SERPING1: variants seen among roughly 807,000 people sequenced by gnomAD.
SERPING1 encodes the protein plasma protease C1 inhibitor.
A neutral mutation model predicts 34.1 loss-of-function variants in SERPING1; 5 were observed. The observed-to-expected ratio is 0.15, with a 90% confidence interval of 0.08 to 0.31. The LOEUF (loss-of-function observed/expected upper bound fraction) is 0.31, where lower values mean the gene tolerates loss of function less well. Ranked by LOEUF, SERPING1 falls within the 10% of genes least tolerant of loss-of-function variation. The pLI is 1.00. For missense variants in SERPING1, 505 were observed against 609.5 expected (o/e 0.83, Z 1.81); for synonymous variants, 225 against 242.4 (o/e 0.93, Z 0.67).
At chr11:57,599,266 A>T (rs1179711715) in intron 2 of SERPING1, among the ~76,000 whole-genome samples, 1 of 152,112 alleles carries the variant, frequency 6.6e-6, no homozygotes, top group Non-Finnish European at 1.5e-5. Flanking sequence ...TCCCTGTGAC[A>T]ACCAAAAATG....
rs35871015 is a variant in SERPING1, at chr11:57,600,950, C to CA, written c.550+588dup. On this transcript the variant is annotated intron_variant, in intron 3 of 7. Coordinates refer to ENST00000278407, the MANE Select transcript of SERPING1 (RefSeq NM_000062.3). ...TGGGTGACAGAGCGAGACTCTGTCT[C>CA]AAAAAAAAAAAAAAATTATCAGAGA... is the stretch of plus-strand genomic sequence containing the variant. Among the ~76,000 whole-genome samples, 465 of 141,002 alleles carry CA rather than the reference C, an allele frequency of 3.3e-3. 1 individual carries two copies. The highest frequency in any genetic ancestry group is 0.011 in the African/African-American group (408 of 37,928). 92.5% of individuals were successfully genotyped at this position (141,002 alleles called of 152,430 possible).
Position 57,606,515 on chromosome 11 carries a change from G to A in SERPING1, c.997G>A (p.Ala333Thr), listed in dbSNP as rs202192543. The A allele has an allele frequency of 1.7e-5, 28 of 1,614,164 alleles. No individual in the cohort carries two copies. The Admixed American group carries it at 3.7e-4, about 21-fold the overall frequency. The change falls in exon 6 of 8, where the codon GCC becomes ACC. Residue 333 changes from alanine to threonine, a missense_variant. Ala to Thr is a moderately conservative substitution (Grantham distance 58). Transcript: ENST00000278407. ...GATGAATAGCAAGAAGTACCCTGTG[G>A]CCCATTTCATTGACCAAACTTTGAA... is the stretch of plus-strand genomic sequence containing the variant. ...PMMNSKKYPV[A>T]HFIDQTLKAK...
intron 6 of SERPING1, among the ~76,000 whole-genome samples, chr11:57,606,957 A>G (rs1046130260): frequency 1.4e-4 from 21 of 152,214 alleles, no homozygotes; most frequent in Non-Finnish European, 4.4e-5. Context: ...ATATGCATAT[A>G]TGTGGTAAGT....
At chr11:57,605,011 A>AG (rs1945392892) in intron 4 of SERPING1, among the ~76,000 whole-genome samples, 1 of 152,130 alleles carries the variant, frequency 6.6e-6, no homozygotes, top group African/African-American at 2.4e-5. Context: ...TAAAAAAAAA[A>AG]AAATTTAATT....
intron 4 of SERPING1, among the ~76,000 whole-genome samples, chr11:57,604,352 TAAACTTAC>T (rs1378048435): frequency 2.0e-5 from 3 of 152,180 alleles, no homozygotes; most frequent in Non-Finnish European, 4.4e-5. Context: ...ATACTAATAA[TAAACTTAC>T]AAAACGATCC....
At position 57,614,558 on chromosome 11, in the gene SERPING1, C is replaced by A; in HGVS notation, c.1480C>A (p.Arg494=). 6.2e-7 allele frequency: 1 copy of A among 1,613,940 alleles called. No homozygotes were observed. The highest frequency in any genetic ancestry group is 8.5e-7 in the Non-Finnish European group (1 of 1,180,002). ...QQHKFPVFMG[R]VYDPRA is the part of the protein sequence containing the mutation. ...GCACAAGTTCCCTGTCTTCATGGGG[C>A]GAGTATATGACCCCAGGGCCTGAGA... is the stretch of plus-strand genomic sequence containing the variant. The change falls in exon 8 of 8, where the codon CGA becomes AGA. Residue 494 remains arginine (R), a synonymous_variant. Transcript: ENST00000278407.
At position 57,602,056 on chromosome 11, in the gene SERPING1, C is replaced by G. The variant is rs1347573293; in HGVS notation, c.572C>G (p.Thr191Arg). ...GCAGGGGCTGGGGAGAACACCAAAA[C>G]AAACCTGGAGAGCATCCTCTCTTAC... ...VLLGAGENTK[T>R]NLESILSYPK... Residue 191 changes from threonine (T) to arginine (R), a missense_variant, in exon 4 of 8, where the codon ACA (threonine) becomes AGA (arginine). By Grantham distance (71) the Thr-to-Arg change is moderately conservative. Transcript: ENST00000278407. The G allele has an allele frequency of 6.2e-7, 1 of 1,614,014 alleles. No individual in the cohort carries two copies. The highest frequency in any genetic ancestry group is 8.5e-7 in the Non-Finnish European group (1 of 1,180,036).
Position 57,607,473 on chromosome 11 carries a change from G to T in SERPING1, c.1029+926G>T, listed in dbSNP as rs11229067. 0.21 allele frequency among the ~76,000 whole-genome samples: 32,202 copies of T among 152,044 alleles called. 3,920 individuals are homozygous for T. Among genetic ancestry groups the T allele is most frequent in the Non-Finnish European group, 0.27 (18,609 of 67,962 alleles). On this transcript the variant is annotated intron_variant, in intron 6 of 7. Coordinates refer to ENST00000278407, the MANE Select transcript of SERPING1 (RefSeq NM_000062.3). ...TATTTGCTTATTTGCCTAGGACATT[G>T]TCTGTCTCCCTAAGATACTGTCTCT...
intron 6 of SERPING1, among the ~76,000 whole-genome samples, chr11:57,610,639 C>T (rs1945467376): frequency 1.3e-5 from 2 of 152,172 alleles, no homozygotes; most frequent in Non-Finnish European, 2.9e-5. Context: ...AGTCTCATAT[C>T]CTATTAGACT....
chr11:57,600,332 T>C lies in SERPING1; in HGVS notation c.505T>C (p.Phe169Leu). 3.1e-6 allele frequency: 5 copies of C among 1,613,088 alleles called. No homozygotes were observed. Among genetic ancestry groups the C allele is most frequent in the Non-Finnish European group, 4.2e-6 (5 of 1,180,008 alleles). ...GAAGAAGGTGGAGACCAACATGGCC[T>C]TTTCCCCATTCAGCATCGCCAGCCT... ...AMKKVETNMAFSPFSIASLLT... is the reference protein window; with the variant it reads ...AMKKVETNMALSPFSIASLLT... The change falls in exon 3 of 8, where the codon TTT becomes CTT. Residue 169 changes from phenylalanine (F) to leucine (L), a missense_variant. Physicochemically the swap from Phe to Leu is conservative, Grantham distance 22. Coordinates refer to ENST00000278407, the MANE Select transcript of SERPING1 (RefSeq NM_000062.3).
At chr11:57,602,779 A>AC (rs1945365392) in intron 4 of SERPING1, among the ~76,000 whole-genome samples, 1 of 89,602 alleles carries the variant, frequency 1.1e-5, no homozygotes, top group South Asian at 3.7e-4. Context: ...AAACAAAACA[A>AC]AAACAAAAAA....
At chr11:57,614,255 C>G (rs998665831) in intron 7 of SERPING1, 73 bp from the exon 8 acceptor site, 17 of 1,582,142 alleles carry the variant, frequency 1.1e-5, no homozygotes, top group Non-Finnish European at 1.5e-5. Flanking sequence ...CCAGAGAATT[C>G]AGGACAAAGG....
At chr11:57,602,271 G>C in intron 4 of SERPING1, 102 bp downstream of exon 4, 1 of 1,399,656 alleles carries the variant, frequency 7.1e-7, no homozygotes, top group Non-Finnish European at 1.0e-6. Flanking sequence ...GAATGTTGGA[G>C]CTACAGTATC....
chr11:57,610,572 G>A (rs954525379), intron 6 of SERPING1, among the ~76,000 whole-genome samples: 1 of 152,116 alleles, frequency 6.6e-6, no homozygotes, highest in Non-Finnish European at 1.5e-5. Flanking sequence ...GTTGAATTCT[G>A]CATTCTTCTA....
At chr11:57,613,717 C>T (rs1945505693) in intron 7 of SERPING1, among the ~76,000 whole-genome samples, 1 of 152,162 alleles carries the variant, frequency 6.6e-6, no homozygotes, top group South Asian at 2.1e-4. Flanking sequence ...TACCCAATCT[C>T]CAGCTCCTCT....
chr11:57,605,514 A>T, intron 4 of SERPING1: 1 of 185,588 alleles, frequency 5.4e-6, no homozygotes, highest in East Asian at 1.4e-4. Context: ...TACAGGTGTG[A>T]GCCACCATGC....
In SERPING1 at chr11:57,614,692, T is replaced by TC. The variant is rs1945520072; in HGVS notation, c.*113dup. ...CCCCTGCCACCTCCTGCCTCAGGTGTCCGCTATCCACCAAAAGGGCTCCCT... is the reference window on the plus strand; with the variant it reads ...CCCCTGCCACCTCCTGCCTCAGGTGTCCCGCTATCCACCAAAAGGGCTCCCT... On this transcript the variant is annotated 3_prime_UTR_variant, in exon 8 of 8. Coordinates refer to ENST00000278407, the MANE Select transcript of SERPING1 (RefSeq NM_000062.3). The TC allele has an allele frequency of 1.5e-6, 2 of 1,322,352 alleles. No homozygotes were observed. 81.9% of individuals were successfully genotyped at this position (1,322,352 alleles called of 1,614,324 possible).
chr11:57,611,681 T>C, intron 6 of SERPING1, 36 bp from the exon 7 acceptor site: 3 of 1,574,984 alleles, frequency 1.9e-6, no homozygotes, highest in Non-Finnish European at 2.6e-6. Flanking sequence ...AGAGATGCGG[T>C]AGGAAGACTG....
chr11:57,606,113 C>A lies in SERPING1; in HGVS notation c.789C>A (p.Asn263Lys). ...GTGACGCCAACTTGGAGCTCATCAACACCTGGGTGGCCAAGAACACCAACA... is the reference window on the plus strand; with the variant it reads ...GTGACGCCAACTTGGAGCTCATCAAAACCTGGGTGGCCAAGAACACCAACA... The part of the protein sequence containing the change: ...NNSDANLELI[N>K]TWVAKNTNNK... The change falls in exon 5 of 8, where the codon AAC (asparagine) becomes AAA (lysine). Residue 263 changes from asparagine to lysine, a missense_variant. Physicochemically the swap from Asn to Lys is moderately conservative, Grantham distance 94. Coordinates refer to ENST00000278407, the MANE Select transcript of SERPING1 (RefSeq NM_000062.3). 1 of 1,614,174 alleles carries A rather than the reference C, an allele frequency of 6.2e-7. No homozygotes were observed. The highest frequency in any genetic ancestry group is 8.5e-7 in the Non-Finnish European group (1 of 1,180,022).
Sources: allele counts gnomAD v4.1 joint callset (sites outside exome capture counted in the v4.1 genomes callset), GRCh38; gene constraint gnomAD v4.1.1; transcripts MANE v1.5; gene names NCBI Gene and HGNC (gene_info 2026-07-23, HGNC 2026-07-21).